ENPP6: variants seen among roughly 807,000 people sequenced by gnomAD.
ENPP6 encodes ectonucleotide pyrophosphatase/phosphodiesterase 6.
A neutral mutation model predicts 42.0 loss-of-function variants in ENPP6; 32 were observed. That is an observed-to-expected ratio of 0.76 (90% CI 0.58 to 1.02). The LOEUF is 1.02. Ranked by LOEUF, ENPP6 falls within the 50% of genes least tolerant of loss-of-function variation. The pLI is 0.00. For missense variants in ENPP6, 552 were observed against 566.8 expected (o/e 0.97, Z 0.27); for synonymous variants, 213 against 216.0 (o/e 0.99, Z 0.12).
chr4:184,153,126 C>CTTT (rs143936726), intron 2 of ENPP6, among the ~76,000 whole-genome samples: 3 of 146,938 alleles, frequency 2.0e-5, no homozygotes, highest in Non-Finnish European at 4.5e-5. Flanking sequence ...TATTTCTTTT[C>CTTT]TTTTTCTTTT....
rs1561015828 is a variant in ENPP6, at chr4:184,217,828, G to C, written c.-9C>G. The C allele has an allele frequency of 6.2e-7, 1 of 1,611,692 alleles. No homozygotes were observed. The highest frequency in any genetic ancestry group is 8.5e-7 in the Non-Finnish European group (1 of 1,179,240). ...CCAAGCTTCACTGCCATGCTGCCAG[G>C]AGCCTGCCAGAGCCCGGCTGGCACA... On this transcript the variant is annotated 5_prime_UTR_variant, in exon 1 of 8. Coordinates refer to ENST00000296741, the MANE Select transcript of ENPP6 (RefSeq NM_153343.4).
intron 1 of ENPP6, among the ~76,000 whole-genome samples, chr4:184,169,589 G>C (rs1337703949): frequency 6.6e-6 from 1 of 152,182 alleles, no homozygotes; most frequent in Non-Finnish European, 1.5e-5. Context: ...TGGCCACCTT[G>C]CCCTCCTCCT....
chr4:184,098,325 T>C (rs1735945794), intron 6 of ENPP6, among the ~76,000 whole-genome samples: 1 of 152,220 alleles, frequency 6.6e-6, no homozygotes, highest in East Asian at 1.9e-4. Context: ...ACTCCAGGTA[T>C]TGTTGTCAGC....
chr4:184,204,910 T>G lies in ENPP6; in HGVS notation c.241+12669A>C, dbSNP rs117211246. ...CCTGAAACTCTGAATGTCTTAATCATCATTATAATGCTTTTTCGCTATAGT... is the reference window on the plus strand; with the variant it reads ...CCTGAAACTCTGAATGTCTTAATCAGCATTATAATGCTTTTTCGCTATAGT... On this transcript the variant is annotated intron_variant, in intron 1 of 7. Transcript: ENST00000296741. Among the ~76,000 whole-genome samples the G allele has an allele frequency of 1.0e-3, 157 of 152,302 alleles. 1 individual carries two copies. In the East Asian group the frequency reaches 0.027, roughly 26 times the overall value.
intron 2 of ENPP6, among the ~76,000 whole-genome samples, chr4:184,135,032 A>G (rs980163722): frequency 2.6e-5 from 4 of 151,796 alleles, no homozygotes; most frequent in Non-Finnish European, 2.9e-5. Context: ...ATTATTGATT[A>G]TTGTTTAATT....
chr4:184,141,267 T>C (rs1290080518), intron 2 of ENPP6, among the ~76,000 whole-genome samples: 1 of 152,140 alleles, frequency 6.6e-6, no homozygotes, highest in African/African-American at 2.4e-5. Context: ...ACAGGCTCAA[T>C]CTGTGAAGTG....
At chr4:184,197,750 T>A (rs1316563769) in intron 1 of ENPP6, among the ~76,000 whole-genome samples, 1 of 152,210 alleles carries the variant, frequency 6.6e-6, no homozygotes, top group African/African-American at 2.4e-5. Context: ...TAGTGTTATA[T>A]CTTACACAGA....
intron 5 of ENPP6, among the ~76,000 whole-genome samples, chr4:184,116,626 A>G (rs1036910999): frequency 6.6e-6 from 1 of 152,048 alleles, no homozygotes; most frequent in Admixed American, 6.5e-5. Flanking sequence ...CCAGCTGCTC[A>G]GGAGGCTGAG....
chr4:184,144,797 A>G (rs1251703494), intron 2 of ENPP6, among the ~76,000 whole-genome samples: 1 of 152,250 alleles, frequency 6.6e-6, no homozygotes, highest in Non-Finnish European at 1.5e-5. Flanking sequence ...CAGGATGTGT[A>G]GCTGGCACTT....
chr4:184,098,673 C>G (rs1735950846), intron 6 of ENPP6, among the ~76,000 whole-genome samples: 1 of 152,136 alleles, frequency 6.6e-6, no homozygotes, highest in South Asian at 2.1e-4. Flanking sequence ...TCTTTGGAAC[C>G]CAATTTTCTT....
At chr4:184,116,022 T>C (rs904973898) in intron 5 of ENPP6, among the ~76,000 whole-genome samples, 2 of 151,684 alleles carry the variant, frequency 1.3e-5, no homozygotes, top group Admixed American at 6.6e-5. Flanking sequence ...GAGACCATCC[T>C]GGTTAACATG....
rs1426333714 is a variant in ENPP6 at position 184,116,965 on chromosome 4, A to C, written c.746T>G (p.Met249Arg). The change falls in exon 5 of 8, where the codon ATG (methionine) becomes AGG (arginine). Residue 249 changes from methionine (M) to arginine (R), a missense_variant. Met to Arg is a moderately conservative substitution (Grantham distance 91). This residue lies in a region of ENPP6 where 545 missense variants were observed against 546.3 expected (regional missense o/e 1.00). Coordinates refer to ENST00000296741, the MANE Select transcript of ENPP6 (RefSeq NM_153343.4). ...SDHGMTDIFW[M>R]DKVIELNKYI... ...CTTATTCAGCTCAATCACTTTGTCC[A>C]TCCAGAAAATGTCGGTCATTCCGTG... 1.2e-6 allele frequency: 2 copies of C among 1,614,190 alleles called. No individual in the cohort carries two copies. Among genetic ancestry groups the C allele is most frequent in the Admixed American group, 3.3e-5 (2 of 60,032 alleles).
chr4:184,131,199 T>G (rs1375569729), intron 2 of ENPP6, among the ~76,000 whole-genome samples: 7 of 41,120 alleles, frequency 1.7e-4, no homozygotes, highest in African/African-American at 6.4e-4. Context: ...CTTTCTTTCT[T>G]TCTTCTTTCT....
Position 184,112,771 on chromosome 4 carries a change from G to A in ENPP6, c.894C>T (p.Val298=). ...NKLSTVEHMT[V]YEKEAIPSRF... Reference sequence around the variant, plus strand: ...TGCTTGGGATGGCTTCTTTCTCGTAGACAGTCATGTGTTCCACTGTGCTCA... The same window carrying A: ...TGCTTGGGATGGCTTCTTTCTCGTAAACAGTCATGTGTTCCACTGTGCTCA... The change falls in exon 6 of 8, where the codon GTC becomes GTT. Residue 298 remains valine (V), a synonymous_variant. Coordinates refer to ENST00000296741, the MANE Select transcript of ENPP6 (RefSeq NM_153343.4). 6.2e-7 allele frequency: 1 copy of A among 1,614,074 alleles called. No homozygotes were observed. Among genetic ancestry groups the A allele is most frequent in the Non-Finnish European group, 8.5e-7 (1 of 1,180,026 alleles).
At chr4:184,108,418 G>C (rs1736139806) in intron 6 of ENPP6, among the ~76,000 whole-genome samples, 2 of 152,202 alleles carry the variant, frequency 1.3e-5, no homozygotes, top group Admixed American at 1.3e-4. Flanking sequence ...TAGCGAATAG[G>C]AAAGTGAGAG....
intron 1 of ENPP6, among the ~76,000 whole-genome samples, chr4:184,191,226 G>A (rs1732709234): frequency 6.6e-6 from 1 of 152,214 alleles, no homozygotes; most frequent in African/African-American, 2.4e-5. Context: ...CCATTTATGG[G>A]CCCTGTAATC....
chr4:184,095,722 G>T (rs1397448175), intron 7 of ENPP6, among the ~76,000 whole-genome samples: 1 of 151,130 alleles, frequency 6.6e-6, no homozygotes. Context: ...CTTGTATATA[G>T]TCCTTCCCAG....
chr4:184,118,351 AAAG>A (rs1457693557), intron 3 of ENPP6, among the ~76,000 whole-genome samples: 1 of 152,200 alleles, frequency 6.6e-6, no homozygotes, highest in African/African-American at 2.4e-5. Context: ...TTTCATGAAT[AAAG>A]TTTACCATTG....
chr4:184,154,115 C>T (rs1021079449), intron 1 of ENPP6, among the ~76,000 whole-genome samples: 1 of 152,194 alleles, frequency 6.6e-6, no homozygotes, highest in African/African-American at 2.4e-5. Flanking sequence ...ACCCTCCAAA[C>T]CCTCCTCCCG....
Sources: allele counts gnomAD v4.1 joint callset (sites outside exome capture counted in the v4.1 genomes callset), GRCh38; gene constraint gnomAD v4.1.1; regional missense constraint gnomAD v4.1.1; transcripts MANE v1.5; gene names NCBI Gene and HGNC (gene_info 2026-07-23, HGNC 2026-07-21).